Variants in PLD5 observed in about 807,000 individuals in gnomAD.
The protein encoded by PLD5 is inactive phospholipase D5.
In PLD5, 36 loss-of-function variants were observed where a neutral mutation model predicts 61.1. The observed-to-expected ratio is 0.59, with a 90% CI of 0.45 to 0.78. The LOEUF (loss-of-function observed/expected upper bound fraction) is 0.78. Ranked by LOEUF, PLD5 falls within the 30% of genes least tolerant of loss-of-function variation. The pLI is 0.00. For missense variants in PLD5, 515 were observed against 644.4 expected, an observed-to-expected ratio of 0.80 and a Z score of 2.17; for synonymous variants, 243 against 242.8, an observed-to-expected ratio of 1.00 and a Z score of -0.01.
intron 1 of PLD5, among the ~76,000 whole-genome samples, chr1:242,430,188 T>C (rs1199919445): frequency 5.3e-5 from 8 of 152,194 alleles, no homozygotes; most frequent in Admixed American, 2.6e-4. Context: ...TGGGTTGTCA[T>C]AACAAAGTAC....
chr1:242,193,270 TAGAGA>T (rs1668395057), intron 5 of PLD5, among the ~76,000 whole-genome samples: 1 of 152,040 alleles, frequency 6.6e-6, no homozygotes, highest in Non-Finnish European at 1.5e-5. Context: ...GAAGATAACG[TAGAGA>T]AAAGTAAAAA....
At chr1:242,468,752 T>C (rs1285745273) in intron 1 of PLD5, among the ~76,000 whole-genome samples, 1 of 152,048 alleles carries the variant, frequency 6.6e-6, no homozygotes, top group African/African-American at 2.4e-5. Flanking sequence ...CCCATCAATT[T>C]CTTTGATGAC....
upstream of PLD5, among the ~76,000 whole-genome samples, chr1:242,528,544 AG>A (rs1669491307): frequency 6.6e-6 from 1 of 150,598 alleles, no homozygotes; most frequent in Admixed American, 6.5e-5. Context: ...TAAGACCAAA[AG>A]TATCAAGAAG....
upstream of PLD5, among the ~76,000 whole-genome samples, chr1:242,525,711 G>C (rs1165294837): frequency 6.6e-6 from 1 of 152,148 alleles, no homozygotes; most frequent in African/African-American, 2.4e-5. Flanking sequence ...TAAACTGAAG[G>C]CTCTCTAGCC....
intron 2 of PLD5, among the ~76,000 whole-genome samples, chr1:242,310,027 A>T (rs1023813100): frequency 4.2e-5 from 6 of 143,544 alleles, no homozygotes; most frequent in African/African-American, 1.2e-4. Flanking sequence ...GCCAAAGCTT[A>T]CTTGGTTGCA....
At chr1:242,360,000 G>T (rs142445309) in intron 1 of PLD5, among the ~76,000 whole-genome samples, 1,750 of 152,278 alleles carry the variant, frequency 0.011, 13 homozygotes, top group Non-Finnish European at 0.019. Context: ...GAAGGCAAAT[G>T]TTAGATGGAA....
intron 1 of PLD5, among the ~76,000 whole-genome samples, chr1:242,370,202 C>A (rs923512373): frequency 6.6e-6 from 1 of 152,142 alleles, no homozygotes; most frequent in Non-Finnish European, 1.5e-5. Flanking sequence ...GTGGAAGAGA[C>A]CCTTGGGAAG....
At chr1:242,299,419 C>A (rs914615990) in intron 2 of PLD5, among the ~76,000 whole-genome samples, 33 of 152,202 alleles carry the variant, frequency 2.2e-4, no homozygotes, top group African/African-American at 8.0e-4. Flanking sequence ...TTCCAATGAG[C>A]ATTTATTGAG....
intron 1 of PLD5, among the ~76,000 whole-genome samples, chr1:242,349,067 A>G (rs1489859233): frequency 2.0e-5 from 3 of 152,084 alleles, no homozygotes; most frequent in Non-Finnish European, 4.4e-5. Context: ...CAAACAAACA[A>G]ACAAAAAACA....
intron 2 of PLD5, among the ~76,000 whole-genome samples, chr1:242,333,716 A>C (rs549009608): frequency 5.1e-4 from 77 of 152,180 alleles, no homozygotes; most frequent in African/African-American, 1.8e-3. Context: ...GAGATCCACA[A>C]TTTTAGTTCC....
At position 242,451,788 on chromosome 1, in the gene PLD5, T is replaced by C. The variant is rs183598493; in HGVS notation, c.189+72300A>G. On this transcript the variant is annotated intron_variant, in intron 1 of 9. Transcript: ENST00000536534. ...AATTCTTGAATGGCAACCTACTGGC[T>C]GTAAGGTAAAACCGAGACTACTCTC... 1.1e-4 allele frequency among the ~76,000 whole-genome samples: 16 copies of C among 152,222 alleles called. No individual in the cohort carries two copies. In the East Asian group the frequency reaches 1.7e-3, roughly 17 times the overall value.
intron 2 of PLD5, among the ~76,000 whole-genome samples, chr1:242,316,325 A>T (rs1657961660): frequency 6.6e-6 from 1 of 152,150 alleles, no homozygotes; most frequent in African/African-American, 2.4e-5. Flanking sequence ...TCAACAGTGG[A>T]GGGGCTCCTT....
At chr1:242,174,032 G>A (rs1421917366) in intron 5 of PLD5, among the ~76,000 whole-genome samples, 6 of 152,148 alleles carry the variant, frequency 3.9e-5, no homozygotes, top group Non-Finnish European at 8.8e-5. Flanking sequence ...GGCAACAAAA[G>A]CCAAAATGGA....
At chr1:242,138,305 G>A (rs767001600) in intron 5 of PLD5, among the ~76,000 whole-genome samples, 9 of 152,116 alleles carry the variant, frequency 5.9e-5, no homozygotes, top group South Asian at 2.1e-4. Flanking sequence ...AGTGATGGCA[G>A]TTGGGAAAGG....
intron 1 of PLD5, among the ~76,000 whole-genome samples, chr1:242,356,958 C>T (rs1467402642): frequency 1.3e-5 from 2 of 151,762 alleles, no homozygotes; most frequent in Non-Finnish European, 2.9e-5. Flanking sequence ...AATTATGTTA[C>T]ATACCATGAT....
At chr1:242,157,670 G>A (rs1029749308) in intron 5 of PLD5, among the ~76,000 whole-genome samples, 2 of 152,318 alleles carry the variant, frequency 1.3e-5, no homozygotes, top group Non-Finnish European at 2.9e-5. Context: ...AGAGGCTGCA[G>A]AACAGCAAAG....
chr1:242,399,851 G>A (rs1194248541), intron 1 of PLD5, among the ~76,000 whole-genome samples: 1 of 151,410 alleles, frequency 6.6e-6, no homozygotes, highest in Non-Finnish European at 1.5e-5. Flanking sequence ...CTGTGTAGGC[G>A]AGGGATCTAG....
At chr1:242,499,375 G>A (rs187230515) in intron 1 of PLD5, among the ~76,000 whole-genome samples, 1 of 152,240 alleles carries the variant, frequency 6.6e-6, no homozygotes, top group Non-Finnish European at 1.5e-5. Context: ...CTGTTATAAA[G>A]AATTTGGAAG....
intron 1 of PLD5, among the ~76,000 whole-genome samples, chr1:242,392,951 C>T (rs1663021216): frequency 1.3e-5 from 2 of 151,920 alleles, no homozygotes; most frequent in South Asian, 4.2e-4. Context: ...CGCCTGTATT[C>T]TCAGCACTTT....
Sources: gnomAD v4.1 joint callset for allele counts (sites outside exome capture counted in the v4.1 genomes callset) on GRCh38, gnomAD v4.1.1 for gene constraint, MANE v1.5 for transcripts, NCBI Gene and HGNC (gene_info 2026-07-23, HGNC 2026-07-21) for gene names.